The following BABAM2 variants were observed in gnomAD, a reference collection of about 807,000 sequenced individuals.
The protein encoded by BABAM2 is BRISC and BRCA1-A complex member 2.
In BABAM2, 31 loss-of-function variants were observed where a neutral mutation model predicts 54.7. The observed-to-expected ratio is 0.57, with a 90% CI of 0.43 to 0.77. The LOEUF (loss-of-function observed/expected upper bound fraction) is 0.77, where lower values mean the gene tolerates loss of function less well. Among genes scored for constraint, BABAM2 ranks in the 30% least tolerant of loss-of-function variants. The probability of loss-of-function intolerance (pLI) is 0.00; values close to 1 mark genes in which losing one functional copy is unlikely to be tolerated. For missense variants in BABAM2, 364 were observed against 455.8 expected (o/e 0.80, Z 1.83); for synonymous variants, 167 against 162.9 (o/e 1.03, Z -0.19).
At chr2:28,302,507 A>T (rs1688189085) in intron 11 of BABAM2, among the ~76,000 whole-genome samples, 1 of 151,956 alleles carries the variant, frequency 6.6e-6, no homozygotes, top group South Asian at 2.1e-4. Context: ...TAATCCATTC[A>T]CCCATGTGTA....
chr2:28,025,239 G>T lies in BABAM2; in HGVS notation c.314G>T (p.Trp105Leu). 2 of 1,590,032 alleles carry T rather than the reference G, an allele frequency of 1.3e-6. No homozygotes were observed. The highest frequency in any genetic ancestry group is 1.2e-5 in the South Asian group (1 of 85,974). ...CGACTTCTACAGAATCTTGCCTCCT[G>T]GAATCCTTCAAATCCTGAATGTCTC... ...DPSALQNLAS[W>L]NPSNPECLLL... The change falls in exon 5 of 12, where the codon TGG (tryptophan) becomes TTG (leucine). Residue 105 changes from tryptophan (W) to leucine (L), a missense_variant. Physicochemically the swap from Trp to Leu is moderately conservative, Grantham distance 61. Transcript: ENST00000379624.
intron 7 of BABAM2, among the ~76,000 whole-genome samples, chr2:28,198,265 G>A (rs756848167): frequency 6.6e-5 from 10 of 151,754 alleles, no homozygotes; most frequent in South Asian, 2.1e-4. Context: ...CCGGGTTCAC[G>A]CCATTTTCCT....
intron 3 of BABAM2, among the ~76,000 whole-genome samples, chr2:27,938,438 C>T (rs1053796330): frequency 1.4e-4 from 21 of 151,880 alleles, no homozygotes; most frequent in African/African-American, 5.1e-4. Flanking sequence ...GTCCCCCAGG[C>T]TAGAATGCAG....
chr2:28,011,203 T>A (rs1252345160), intron 4 of BABAM2, among the ~76,000 whole-genome samples: 2 of 152,212 alleles, frequency 1.3e-5, no homozygotes, highest in Non-Finnish European at 2.9e-5. Context: ...ACTAAATGTA[T>A]GTTTAGACCA....
At chr2:27,904,622 G>C (rs1398014350) in intron 2 of BABAM2, among the ~76,000 whole-genome samples, 1 of 152,026 alleles carries the variant, frequency 6.6e-6, no homozygotes, top group East Asian at 1.9e-4. Context: ...GAAAGACAGA[G>C]AGCAAAACAG....
chr2:28,243,861 A>C (rs991076957), intron 9 of BABAM2, among the ~76,000 whole-genome samples: 23 of 152,140 alleles, frequency 1.5e-4, no homozygotes, highest in Non-Finnish European at 3.1e-4. Context: ...TTCCAACTTA[A>C]ACTGGGCGGG....
intron 2 of BABAM2, among the ~76,000 whole-genome samples, chr2:27,909,462 C>T (rs1216238073): frequency 6.6e-6 from 1 of 152,008 alleles, no homozygotes; most frequent in Non-Finnish European, 1.5e-5. Context: ...AATATCAGTT[C>T]CGTCTCAGAT....
intron 4 of BABAM2, among the ~76,000 whole-genome samples, chr2:28,001,658 A>G (rs1673586715): frequency 6.6e-6 from 1 of 152,198 alleles, no homozygotes; most frequent in Non-Finnish European, 1.5e-5. Flanking sequence ...TAGTGCTGGC[A>G]TCTGCTTCTG....
At chr2:28,150,300 G>GT (rs1446287827) in intron 7 of BABAM2, among the ~76,000 whole-genome samples, 2 of 152,196 alleles carry the variant, frequency 1.3e-5, no homozygotes, top group African/African-American at 4.8e-5. Context: ...CAAGTCTCAT[G>GT]TTCTATCTGC....
chr2:27,972,744 C>CT lies in BABAM2; in HGVS notation c.206-15246dup, dbSNP rs1275487474. 2.0e-5 allele frequency among the ~76,000 whole-genome samples: 3 copies of CT among 148,676 alleles called. No homozygotes were observed. The East Asian group carries it at 5.9e-4, about 29-fold the overall frequency. ...TAAATAAAATATAAAGGTTACATAA[C>CT]TTTAATTTATTATTATTTTAATTAT... On this transcript the variant is annotated intron_variant, in intron 3 of 11. Transcript: ENST00000379624.
intron 7 of BABAM2, among the ~76,000 whole-genome samples, chr2:28,230,350 A>G (rs2148037804): frequency 6.6e-6 from 1 of 152,284 alleles, no homozygotes; most frequent in Admixed American, 6.5e-5. Flanking sequence ...CTCAAAGTTG[A>G]ATCTATAAAA....
chr2:28,267,001 C>CA (rs1367557807), intron 10 of BABAM2, among the ~76,000 whole-genome samples: 1 of 152,104 alleles, frequency 6.6e-6, no homozygotes, highest in East Asian at 1.9e-4. Flanking sequence ...ACTAAAAATA[C>CA]AAAAATTAGC....
intron 4 of BABAM2, among the ~76,000 whole-genome samples, chr2:28,009,447 A>G (rs1674232538): frequency 6.6e-6 from 1 of 152,214 alleles, no homozygotes; most frequent in African/African-American, 2.4e-5. Flanking sequence ...CTTTATTAAT[A>G]AAAAGAAACC....
At chr2:28,057,089 AG>A (rs1355711515) in intron 6 of BABAM2, among the ~76,000 whole-genome samples, 1 of 152,230 alleles carries the variant, frequency 6.6e-6, no homozygotes. Flanking sequence ...AATATGTCGC[AG>A]GTTTTTAAGT....
intron 11 of BABAM2, 35 bp downstream of exon 11, chr2:28,298,526 A>G: frequency 6.2e-7 from 1 of 1,613,356 alleles, no homozygotes; most frequent in Non-Finnish European, 8.5e-7. Flanking sequence ...AACAGGTAAG[A>G]GCATTTTGTT....
At chr2:28,195,593 G>GAAT (rs1677438088) in intron 7 of BABAM2, among the ~76,000 whole-genome samples, 1 of 152,198 alleles carries the variant, frequency 6.6e-6, no homozygotes, top group African/African-American at 2.4e-5. Context: ...GAGGGCCAGG[G>GAAT]TCTTCAGGTA....
intron 2 of BABAM2, among the ~76,000 whole-genome samples, chr2:27,909,925 T>C (rs186756771): frequency 5.3e-5 from 8 of 152,336 alleles, no homozygotes; most frequent in Middle Eastern, 3.4e-3. Context: ...TCATTAATAA[T>C]TTTTCATTGT....
At chr2:28,184,285 TCCCCCCCTCCCTCTCTCC>T (rs1676022465) in intron 7 of BABAM2, among the ~76,000 whole-genome samples, 20 of 102,196 alleles carry the variant, frequency 2.0e-4, no homozygotes, top group Admixed American at 3.5e-4. Context: ...TCTCTCTCTC[TCCCCCCCTCCCTCTCTCC>T]CTCTCTCTCT....
At position 28,111,517 on chromosome 2, in the gene BABAM2, C is replaced by CT. The variant is rs951771906; in HGVS notation, c.571-17748dup. Among the ~76,000 whole-genome samples, 7 of 152,208 alleles carry CT rather than the reference C, an allele frequency of 4.6e-5. No homozygotes were observed. The South Asian group carries it at 1.4e-3, about 32-fold the overall frequency. Reference sequence around the variant, plus strand: ...ATTTTCATGAAGTACAATTTGTCTACTTTTTTATCACTTGTATACTTATTC... The same window carrying CT: ...ATTTTCATGAAGTACAATTTGTCTACTTTTTTTATCACTTGTATACTTATTC... On this transcript the variant is annotated intron_variant, in intron 6 of 11. Transcript: ENST00000379624.
Sources: gnomAD v4.1 joint callset for allele counts (sites outside exome capture counted in the v4.1 genomes callset) on GRCh38, gnomAD v4.1.1 for gene constraint, MANE v1.5 for transcripts, NCBI Gene and HGNC (gene_info 2026-07-23, HGNC 2026-07-21) for gene names.